Variants in LRP2 observed in about 807,000 individuals in gnomAD.
The protein encoded by LRP2 is LDL receptor related protein 2, also known as low-density lipoprotein receptor-related protein 2.
LRP2 carries 172 observed loss-of-function variants against 531.0 expected under a neutral mutation model. That is an observed-to-expected ratio of 0.32 (90% CI 0.29 to 0.37). The LOEUF is 0.37. Ranked by LOEUF, LRP2 falls within the 10% of genes least tolerant of loss-of-function variation. The pLI is 1.00. For missense variants in LRP2, 5,167 were observed against 5,868.3 expected (o/e 0.88, Z 3.90); for synonymous variants, 1,992 against 2,027.6 (o/e 0.98, Z 0.47).
intron 1 of LRP2, among the ~76,000 whole-genome samples, chr2:169,342,148 C>T (rs569428582): frequency 2.5e-4 from 38 of 149,996 alleles, no homozygotes; most frequent in African/African-American, 8.6e-4. Flanking sequence ...AAATGTCACA[C>T]GCTATGCCCA....
At chr2:169,304,691 T>A (rs556679219) in intron 4 of LRP2, among the ~76,000 whole-genome samples, 4 of 152,306 alleles carry the variant, frequency 2.6e-5, no homozygotes, top group East Asian at 1.9e-4. Context: ...ATTCTTTGCA[T>A]AATTTCCAGA....
At chr2:169,313,888 C>G (rs1211678384) in intron 3 of LRP2, among the ~76,000 whole-genome samples, 1 of 152,256 alleles carries the variant, frequency 6.6e-6, no homozygotes, top group East Asian at 1.9e-4. Context: ...ATGTTTTTGT[C>G]CATTAGTGGT....
intron 1 of LRP2, among the ~76,000 whole-genome samples, chr2:169,335,659 A>G (rs1249686341): frequency 1.3e-5 from 2 of 152,308 alleles, no homozygotes; most frequent in African/African-American, 4.8e-5. Context: ...AATAGAAGAA[A>G]AAAAAAGGAA....
intron 1 of LRP2, among the ~76,000 whole-genome samples, chr2:169,361,292 T>C (rs1054215077): frequency 6.0e-5 from 9 of 148,902 alleles, no homozygotes; most frequent in Non-Finnish European, 1.2e-4. Flanking sequence ...CCCTTCCCAT[T>C]CATCCTCGGC....
chr2:169,130,170 G>A (rs1467574125), intron 77 of LRP2, among the ~76,000 whole-genome samples: 1 of 152,184 alleles, frequency 6.6e-6, no homozygotes, highest in Non-Finnish European at 1.5e-5. Context: ...AAAATGAAAT[G>A]GCTAACTTGA....
rs1684017453 is a variant in LRP2 at position 169,292,260 on chromosome 2, A to G, written c.762T>C (p.Asp254=). The G allele has an allele frequency of 4.4e-6, 7 of 1,608,094 alleles. No individual in the cohort carries two copies. Among genetic ancestry groups the G allele is most frequent in the Non-Finnish European group, 6.0e-6 (7 of 1,174,552 alleles). ...EDDCKDNGDE[D]GCESGPHDVH... Reference sequence around the variant, plus strand: ...ATCTCTTCCCCTCCTTACCACATCCATCTTCATCTCCATTATCTTTACAGT... The same window carrying G: ...ATCTCTTCCCCTCCTTACCACATCCGTCTTCATCTCCATTATCTTTACAGT... The change falls in exon 7 of 79, where the codon GAT becomes GAC. Residue 254 remains aspartate, a synonymous_variant. Coordinates refer to ENST00000649046, the MANE Select transcript of LRP2 (RefSeq NM_004525.3).
chr2:169,186,461 G>A (rs1290777868), intron 49 of LRP2, among the ~76,000 whole-genome samples: 2 of 152,192 alleles, frequency 1.3e-5, no homozygotes, highest in Non-Finnish European at 2.9e-5. Flanking sequence ...AACACTAGGT[G>A]CAACACAACA....
chr2:169,257,416 A>G (rs1436816315), intron 17 of LRP2, among the ~76,000 whole-genome samples, 167 bp from the exon 18 acceptor site: 1 of 152,160 alleles, frequency 6.6e-6, no homozygotes, highest in Non-Finnish European at 1.5e-5. Context: ...ATTCTCAGTT[A>G]AAATTTAGTT....
chr2:169,202,659 C>T, intron 43 of LRP2, 97 bp downstream of exon 43: 1 of 1,273,112 alleles, frequency 7.9e-7, no homozygotes, highest in Non-Finnish European at 1.1e-6. Flanking sequence ...CCTAGGCACA[C>T]ATTTCAAACA....
intron 33 of LRP2, among the ~76,000 whole-genome samples, chr2:169,222,852 T>G (rs1478144277): frequency 6.6e-6 from 1 of 152,090 alleles, no homozygotes; most frequent in Non-Finnish European, 1.5e-5. Context: ...TAAGCAAGGA[T>G]GTATTAGTCA....
intron 46 of LRP2, 107 bp downstream of exon 46, chr2:169,196,804 T>C: frequency 6.0e-6 from 9 of 1,490,424 alleles, no homozygotes; most frequent in Non-Finnish European, 8.4e-6. Flanking sequence ...GGACAGGAAG[T>C]CCAAGCATTC....
chr2:169,327,675 T>A (rs867884118), intron 1 of LRP2, among the ~76,000 whole-genome samples: 2 of 48,434 alleles, frequency 4.1e-5, no homozygotes, highest in East Asian at 7.9e-4. Context: ...CTCAGCCCCC[T>A]CCCGGCCAGC....
intron 31 of LRP2, among the ~76,000 whole-genome samples, chr2:169,228,632 C>T (rs1000515050): frequency 6.6e-6 from 1 of 152,160 alleles, no homozygotes; most frequent in African/African-American, 2.4e-5. Context: ...TTCCCTTAAG[C>T]ACCACCCGCT....
intron 56 of LRP2, among the ~76,000 whole-genome samples, 158 bp from the exon 57 acceptor site, chr2:169,173,382 C>G (rs762654513): frequency 3.3e-5 from 5 of 152,216 alleles, no homozygotes; most frequent in African/African-American, 7.2e-5. Context: ...ATCTGTTTAC[C>G]ATGAGCAGAA....
chr2:169,168,204 C>G (rs1686860346), intron 61 of LRP2, among the ~76,000 whole-genome samples: 1 of 151,382 alleles, frequency 6.6e-6, no homozygotes, highest in Non-Finnish European at 1.5e-5. Context: ...TAGGATACAG[C>G]AGGAGAGGTA....
chr2:169,203,834 C>G, intron 42 of LRP2, 148 bp downstream of exon 42: 1 of 781,582 alleles, frequency 1.3e-6, no homozygotes, highest in Non-Finnish European at 2.1e-6. Flanking sequence ...GTCTTCCTCT[C>G]AAAATATAGC....
intron 56 of LRP2, among the ~76,000 whole-genome samples, chr2:169,173,648 T>C (rs971445944): frequency 6.6e-6 from 1 of 152,216 alleles, no homozygotes; most frequent in Non-Finnish European, 1.5e-5. Context: ...GCAGTAGATA[T>C]ATAAAATATA....
chr2:169,206,782 G>T lies in LRP2; in HGVS notation c.6938C>A (p.Pro2313His). ...ASKEPENTEP[P>H]TVIRDNINWL... ...GTTGATATTGTCTCTTATCACTGTGGGTGGCTCTGTGTTCTCTGGTTCCTT... is the reference window on the plus strand; with the variant it reads ...GTTGATATTGTCTCTTATCACTGTGTGTGGCTCTGTGTTCTCTGGTTCCTT... Residue 2313 changes from proline (P) to histidine (H), a missense_variant, in exon 39 of 79, where the codon CCC (proline) becomes CAC (histidine). By Grantham distance (77) the Pro-to-His change is moderately conservative. Coordinates refer to ENST00000649046, the MANE Select transcript of LRP2 (RefSeq NM_004525.3). 1 of 1,614,058 alleles carries T rather than the reference G, an allele frequency of 6.2e-7. No individual in the cohort carries two copies. Among genetic ancestry groups the T allele is most frequent in the Non-Finnish European group, 8.5e-7 (1 of 1,180,012 alleles).
At chr2:169,189,825 G>A (rs894063081) in intron 48 of LRP2, among the ~76,000 whole-genome samples, 4 of 151,512 alleles carry the variant, frequency 2.6e-5, no homozygotes, top group African/African-American at 9.7e-5. Flanking sequence ...TTCTACTATA[G>A]CCCTTTTCAA....
Sources: allele counts gnomAD v4.1 joint callset (sites outside exome capture counted in the v4.1 genomes callset), GRCh38; gene constraint gnomAD v4.1.1; transcripts MANE v1.5; gene names NCBI Gene and HGNC (gene_info 2026-07-23, HGNC 2026-07-21).